SCEL: variants seen among roughly 807,000 people sequenced by gnomAD.
The protein encoded by SCEL is sciellin.
In SCEL, 113 loss-of-function variants were observed where a neutral mutation model predicts 117.6. That is an observed-to-expected ratio of 0.96 (90% CI 0.83 to 1.12). The LOEUF (loss-of-function observed/expected upper bound fraction) is 1.12, where lower values mean the gene tolerates loss of function less well. SCEL is among the 50% of genes most tolerant of loss of function. The pLI is 0.00. For synonymous variants in SCEL, 270 were observed against 256.2 expected (o/e 1.05, Z -0.51); for missense variants, 785 against 810.8 (o/e 0.97, Z 0.39).
chr13:77,614,550 C>T (rs2088888513), intron 24 of SCEL, among the ~76,000 whole-genome samples: 1 of 152,084 alleles, frequency 6.6e-6, no homozygotes, highest in African/African-American at 2.4e-5. Context: ...TTACACATTA[C>T]TGTTTTATAT....
intron 24 of SCEL, among the ~76,000 whole-genome samples, chr13:77,614,961 A>T (rs2088917058): frequency 6.6e-6 from 1 of 152,138 alleles, no homozygotes; most frequent in South Asian, 2.1e-4. Flanking sequence ...AACAGCAGGC[A>T]ATTAACATAG....
intron 22 of SCEL, 85 bp downstream of exon 22, chr13:77,610,191 G>A (rs537540866): frequency 1.5e-5 from 14 of 942,698 alleles, no homozygotes; most frequent in Middle Eastern, 2.2e-4. Flanking sequence ...GGTGGCTTAC[G>A]CCTGTAATCC....
Position 77,536,041 on chromosome 13 carries a change from T to C in SCEL, c.-20+217T>C, listed in dbSNP as rs113840990. Among the ~76,000 whole-genome samples the C allele has an allele frequency of 4.3e-3, 655 of 152,226 alleles. 6 individuals are homozygous for C. The highest frequency in any genetic ancestry group is 0.015 in the African/African-American group (624 of 41,538). The stretch of plus-strand genomic sequence containing the variant: ...AACTTCTTGGCAATTTTACACGTTA[T>C]GGGCATCACAGAAACGAGCACCTAT... On this transcript the variant is annotated intron_variant, in intron 1 of 32. Coordinates refer to ENST00000349847, the MANE Select transcript of SCEL (RefSeq NM_144777.3).
At chr13:77,548,916 A>C (rs929244964) in intron 1 of SCEL, among the ~76,000 whole-genome samples, 1 of 152,200 alleles carries the variant, frequency 6.6e-6, no homozygotes, top group African/African-American at 2.4e-5. Context: ...CAGGGTGTAT[A>C]GTTCCATTGT....
chr13:77,587,973 T>G (rs912189215), intron 9 of SCEL, among the ~76,000 whole-genome samples: 4 of 152,144 alleles, frequency 2.6e-5, no homozygotes, highest in African/African-American at 9.7e-5. Context: ...CCTGCAGGTC[T>G]TGGTTCAAAT....
In SCEL at chr13:77,602,713, G is replaced by GCTTCT. The variant is rs1175097378; in HGVS notation, c.1037_1037+1insCTTCT (p.Arg346SerfsTer3). ...GCCAGGATGAATAAAACGAGCAGAA[G>GCTTCT]GTGAGAACTGAACAGATGTCTCTAA... is the stretch of plus-strand genomic sequence containing the variant. On this transcript the variant is annotated frameshift_variant and splice_region_variant. Coordinates refer to ENST00000349847, the MANE Select transcript of SCEL (RefSeq NM_144777.3). LOFTEE classifies it high-confidence loss of function. 1 of 1,612,494 alleles carries GCTTCT rather than the reference G, an allele frequency of 6.2e-7. No individual in the cohort carries two copies. The highest frequency in any genetic ancestry group is 8.5e-7 in the Non-Finnish European group (1 of 1,178,836).
chr13:77,602,203 G>T, intron 16 of SCEL, 79 bp downstream of exon 16: 1 of 1,201,178 alleles, frequency 8.3e-7, no homozygotes, highest in Non-Finnish European at 1.2e-6. Flanking sequence ...GGAGTGTTAT[G>T]CTTTCCTTTG....
chr13:77,634,660 A>C (rs962841042), intron 29 of SCEL, among the ~76,000 whole-genome samples: 1 of 152,224 alleles, frequency 6.6e-6, no homozygotes, highest in African/African-American at 2.4e-5. Context: ...AGATGAACTC[A>C]GTAATATTTT....
chr13:77,540,664 C>T (rs1337253691), intron 1 of SCEL, among the ~76,000 whole-genome samples: 1 of 152,134 alleles, frequency 6.6e-6, no homozygotes, highest in African/African-American at 2.4e-5. Flanking sequence ...AAGGATGGAG[C>T]CCCAGGCACT....
rs566125592 is a variant in SCEL at position 77,591,760 on chromosome 13, G to A, written c.692+300G>A. Among the ~76,000 whole-genome samples the A allele has an allele frequency of 2.6e-5, 4 of 152,302 alleles. No individual in the cohort carries two copies. The East Asian group carries it at 5.8e-4, about 22-fold the overall frequency. ...CTTTATTCCCAGGACCTGCTCTGAG[G>A]TCTATGATATAGTTGGTGTGGATGT... On this transcript the variant is annotated intron_variant, in intron 11 of 32. Transcript: ENST00000349847.
intron 17 of SCEL, 119 bp from the exon 18 acceptor site, chr13:77,602,957 T>G: frequency 1.5e-6 from 1 of 656,834 alleles, no homozygotes; most frequent in Non-Finnish European, 2.5e-6. Context: ...TAAAGCCAAT[T>G]TAATGTCAGT....
chr13:77,590,542 A>T (rs2086809247), intron 10 of SCEL, among the ~76,000 whole-genome samples: 1 of 152,110 alleles, frequency 6.6e-6, no homozygotes, highest in Non-Finnish European at 1.5e-5. Flanking sequence ...AGTACCACCG[A>T]TATTCTAATC....
In SCEL at chr13:77,602,128, A is replaced by G; in HGVS notation, c.977+4A>G. On this transcript the variant is annotated splice_donor_region_variant and intron_variant, in intron 16 of 32. Coordinates refer to ENST00000349847, the MANE Select transcript of SCEL (RefSeq NM_144777.3). ...GGACTGACAAAAATGAGAAAGGGTA[A>G]GTCAATCTCCTACCTTGATGGAGCT... The G allele has an allele frequency of 1.9e-6, 3 of 1,609,680 alleles. No individual in the cohort carries two copies. The South Asian group carries it at 3.3e-5, about 18-fold the overall frequency.
At chr13:77,627,014 A>G (rs987647794) in intron 27 of SCEL, among the ~76,000 whole-genome samples, 21 of 152,192 alleles carry the variant, frequency 1.4e-4, no homozygotes, top group African/African-American at 5.1e-4. Context: ...AGGATCTTGT[A>G]TCTCATGAAA....
At chr13:77,564,191 GTTT>G (rs58228438) in intron 5 of SCEL, among the ~76,000 whole-genome samples, 2 of 129,118 alleles carry the variant, frequency 1.5e-5, no homozygotes, top group Middle Eastern at 4.0e-3. Flanking sequence ...TTCAATATAG[GTTT>G]TTTTTTTTTT....
chr13:77,565,608 T>C (rs779652112), intron 5 of SCEL, among the ~76,000 whole-genome samples: 17 of 152,192 alleles, frequency 1.1e-4, no homozygotes, highest in Non-Finnish European at 2.1e-4. Flanking sequence ...CACTCCAAAA[T>C]GTAAGACATG....
intron 1 of SCEL, among the ~76,000 whole-genome samples, chr13:77,551,711 T>C (rs1198873059): frequency 6.6e-6 from 1 of 152,150 alleles, no homozygotes; most frequent in South Asian, 2.1e-4. Context: ...ATTATTATTA[T>C]ACTTTAAGTT....
At chr13:77,566,631 T>C (rs148554253) in intron 5 of SCEL, among the ~76,000 whole-genome samples, 5 of 152,334 alleles carry the variant, frequency 3.3e-5, no homozygotes, top group Non-Finnish European at 7.3e-5. Context: ...ACAAATCTGC[T>C]TCCTCTCTTC....
intron 1 of SCEL, among the ~76,000 whole-genome samples, chr13:77,540,947 G>C (rs964058177): frequency 6.6e-6 from 1 of 152,180 alleles, no homozygotes; most frequent in Non-Finnish European, 1.5e-5. Context: ...TTGGTGTCTT[G>C]CAAATAGAAA....
Sources: gnomAD v4.1 joint callset for allele counts (sites outside exome capture counted in the v4.1 genomes callset) on GRCh38, gnomAD v4.1.1 for gene constraint, MANE v1.5 for transcripts, NCBI Gene and HGNC (gene_info 2026-07-23, HGNC 2026-07-21) for gene names.